Variants in ZBTB20 observed in about 807,000 individuals in gnomAD.
The protein encoded by ZBTB20 is zinc finger and BTB domain containing 20.
In ZBTB20, 9 loss-of-function variants were observed where a neutral mutation model predicts 56.9. The ratio of observed to expected loss-of-function variants is 0.16; its 90% confidence interval spans 0.10 to 0.28. The LOEUF is 0.28. Ranked by LOEUF, ZBTB20 falls within the 10% of genes least tolerant of loss-of-function variation. ZBTB20 has a pLI of 1.00. For synonymous variants in ZBTB20, 417 were observed against 420.7 expected (o/e 0.99, Z 0.11); for missense variants, 655 against 1,003.0 (o/e 0.65, Z 4.69).
Position 114,651,726 on chromosome 3 carries a change from T to A in ZBTB20, c.-295+41802A>T, listed in dbSNP as rs182281258. 6.6e-5 allele frequency among the ~76,000 whole-genome samples: 10 copies of A among 152,194 alleles called. No individual in the cohort carries two copies. In the East Asian group the frequency reaches 1.2e-3, roughly 18 times the overall value. ...AAAATATATTTAGAAAGCAGTATCA[T>A]TCACAAAAGAGAAAAGTGAACACGA... On this transcript the variant is annotated intron_variant, in intron 6 of 11. Coordinates refer to ENST00000675478, the MANE Select transcript of ZBTB20 (RefSeq NM_001348800.3).
intron 3 of ZBTB20, among the ~76,000 whole-genome samples, chr3:114,939,494 T>C (rs2076658368): frequency 6.8e-6 from 1 of 146,250 alleles, no homozygotes; most frequent in Non-Finnish European, 1.5e-5. Context: ...TAAACCAATA[T>C]GGTAGTAATA....
chr3:115,054,680 T>C (rs1490554669), intron 2 of ZBTB20, among the ~76,000 whole-genome samples: 2 of 152,104 alleles, frequency 1.3e-5, no homozygotes, highest in Non-Finnish European at 2.9e-5. Context: ...ACTTAGATAA[T>C]ACAAAATCAA....
chr3:114,901,075 C>T (rs1292402921), intron 3 of ZBTB20, among the ~76,000 whole-genome samples: 1 of 152,096 alleles, frequency 6.6e-6, no homozygotes, highest in African/African-American at 2.4e-5. Flanking sequence ...TGTATTGCAA[C>T]ATACAGCCTG....
chr3:114,646,258 G>A (rs2059831841), intron 6 of ZBTB20, among the ~76,000 whole-genome samples: 4 of 151,820 alleles, frequency 2.6e-5, no homozygotes. Flanking sequence ...AGTAGGACTG[G>A]TGGATGGAAG....
At chr3:114,733,622 C>A (rs2065920706) in intron 5 of ZBTB20, among the ~76,000 whole-genome samples, 1 of 152,168 alleles carries the variant, frequency 6.6e-6, no homozygotes. Flanking sequence ...TGCCCTCTCA[C>A]CCTCCTTCAT....
chr3:114,785,087 C>A (rs1156590267), intron 5 of ZBTB20, among the ~76,000 whole-genome samples: 1 of 152,188 alleles, frequency 6.6e-6, no homozygotes, highest in East Asian at 1.9e-4. Flanking sequence ...TCAGAATAGT[C>A]TGACCCCAAA....
chr3:114,801,722 A>G (rs2071736604), intron 4 of ZBTB20, among the ~76,000 whole-genome samples: 1 of 151,842 alleles, frequency 6.6e-6, no homozygotes, highest in Admixed American at 6.6e-5. Flanking sequence ...ATTTAACAAC[A>G]CAAAATGGCC....
intron 6 of ZBTB20, among the ~76,000 whole-genome samples, chr3:114,607,897 A>G (rs1323858760): frequency 6.6e-6 from 1 of 152,232 alleles, no homozygotes; most frequent in Non-Finnish European, 1.5e-5. Context: ...CTGCAGAAGA[A>G]TTTAACATTC....
intron 2 of ZBTB20, among the ~76,000 whole-genome samples, chr3:115,008,713 C>G (rs960273221): frequency 6.6e-6 from 1 of 151,852 alleles, no homozygotes; most frequent in African/African-American, 2.4e-5. Flanking sequence ...GTAACTTACT[C>G]CTCCCTGTCC....
chr3:115,001,738 G>A (rs920452241), intron 2 of ZBTB20, among the ~76,000 whole-genome samples: 3 of 151,056 alleles, frequency 2.0e-5, no homozygotes, highest in South Asian at 2.1e-4. Flanking sequence ...CTGATCAAAG[G>A]TATCAAAAAA....
intron 5 of ZBTB20, among the ~76,000 whole-genome samples, chr3:114,731,730 C>T (rs113762305): frequency 4.0e-5 from 6 of 150,598 alleles, no homozygotes; most frequent in South Asian, 4.3e-4. Flanking sequence ...TAGTAACTAA[C>T]CCGGCTGTAC....
intron 4 of ZBTB20, 139 bp from the exon 5 acceptor site, chr3:114,801,313 T>C (rs1185897388): frequency 4.0e-5 from 6 of 148,368 alleles, no homozygotes; most frequent in Non-Finnish European, 6.0e-5. Flanking sequence ...TTCTTTTTTT[T>C]TTTTTTTTCT....
At chr3:114,779,751 C>A (rs1464482150) in intron 5 of ZBTB20, among the ~76,000 whole-genome samples, 1 of 152,174 alleles carries the variant, frequency 6.6e-6, no homozygotes, top group East Asian at 1.9e-4. Flanking sequence ...GAGTCAAGAA[C>A]ATTTGGAAAG....
chr3:115,053,780 T>TCCTAGAA (rs1276969305), intron 2 of ZBTB20, among the ~76,000 whole-genome samples: 1 of 152,144 alleles, frequency 6.6e-6, no homozygotes, highest in Non-Finnish European at 1.5e-5. Flanking sequence ...ACTTAAATTC[T>TCCTAGAA]GAATGAAACT....
intron 1 of ZBTB20, among the ~76,000 whole-genome samples, chr3:115,108,519 A>G (rs984626533): frequency 6.6e-6 from 1 of 152,244 alleles, no homozygotes; most frequent in Non-Finnish European, 1.5e-5. Context: ...AGTAATGCCT[A>G]ATAATAAATT....
chr3:115,075,084 T>C (rs1175537194), intron 1 of ZBTB20, among the ~76,000 whole-genome samples: 1 of 152,180 alleles, frequency 6.6e-6, no homozygotes, highest in Non-Finnish European at 1.5e-5. Flanking sequence ...AATTAACATT[T>C]ATTGAAGCCT....
intron 6 of ZBTB20, among the ~76,000 whole-genome samples, chr3:114,606,452 G>A (rs2057159841): frequency 6.6e-6 from 1 of 151,970 alleles, no homozygotes; most frequent in Non-Finnish European, 1.5e-5. Flanking sequence ...ACTTCCTTAA[G>A]GATGTCTGGC....
intron 4 of ZBTB20, among the ~76,000 whole-genome samples, chr3:114,802,379 A>G (rs2071781931): frequency 6.6e-6 from 1 of 151,984 alleles, no homozygotes; most frequent in East Asian, 1.9e-4. Flanking sequence ...CTTGAAATGT[A>G]TAGAGGAATA....
chr3:115,044,281 T>C (rs1179772161), intron 2 of ZBTB20, among the ~76,000 whole-genome samples: 1 of 152,162 alleles, frequency 6.6e-6, no homozygotes, highest in Non-Finnish European at 1.5e-5. Flanking sequence ...CCAGCGTAGG[T>C]TCACCCTCTT....
Sources: gnomAD v4.1 joint callset for allele counts (sites outside exome capture counted in the v4.1 genomes callset) on GRCh38, gnomAD v4.1.1 for gene constraint, MANE v1.5 for transcripts, NCBI Gene and HGNC (gene_info 2026-07-23, HGNC 2026-07-21) for gene names.